The following RTN4 variants were observed in gnomAD, a reference collection of about 807,000 sequenced individuals.
RTN4 encodes reticulon-4.
In RTN4, 32 loss-of-function variants were observed where a neutral mutation model predicts 90.4. The observed-to-expected ratio is 0.35, with a 90% confidence interval of 0.27 to 0.48. The LOEUF is 0.48. Ranked by LOEUF, RTN4 falls within the 20% of genes least tolerant of loss-of-function variation. RTN4 has a pLI of 0.99. For missense variants in RTN4, 1,706 were observed against 1,430.2 expected, an observed-to-expected ratio of 1.19 and a Z score of -3.11; for synonymous variants, 629 against 552.5, an observed-to-expected ratio of 1.14 and a Z score of -1.94.
the RTN4 span, among the ~76,000 whole-genome samples, chr2:55,122,320 G>T: frequency 6.6e-6 from 1 of 152,000 alleles, no homozygotes; most frequent in Non-Finnish European, 1.5e-5. Flanking sequence ...ATTTTTACAG[G>T]TTCCCCGACT....
At chr2:55,119,651 A>G in the RTN4 span, among the ~76,000 whole-genome samples, 2 of 152,220 alleles carry the variant, frequency 1.3e-5, no homozygotes, top group Non-Finnish European at 2.9e-5. Flanking sequence ...AGTGAAAATG[A>G]TGAAAGTATT....
intron 2 of RTN4, among the ~76,000 whole-genome samples, chr2:55,073,267 C>G (rs776290206): frequency 1.1e-4 from 17 of 152,182 alleles, no homozygotes; most frequent in Non-Finnish European, 2.4e-4. Context: ...CTATTTATTT[C>G]TCTCCGTAAA....
At chr2:55,029,181 G>A (rs915317098) in intron 1 of RTN4, among the ~76,000 whole-genome samples, 5 of 152,180 alleles carry the variant, frequency 3.3e-5, no homozygotes, top group African/African-American at 1.2e-4. Context: ...GTGAGATGGT[G>A]GTCACCTATA....
At position 55,090,648 on chromosome 2, in the gene RTN4, C is replaced by A. The variant is rs184585751; in HGVS notation, c.-213-10009G>T. ...TATGGAGTAGGGCTTTGGACCCATT[C>A]TAAAGGACAAGGAGGACTACAGCTG... On this transcript the variant is annotated intron_variant, in intron 1 of 3. Coordinates refer to the RTN4 transcript ENST00000427710. Among the ~76,000 whole-genome samples the A allele has an allele frequency of 8.5e-5, 13 of 152,318 alleles. No homozygotes were observed. In the East Asian group the frequency reaches 2.1e-3, roughly 25 times the overall value.
At chr2:55,124,645 G>A in the RTN4 span, among the ~76,000 whole-genome samples, 5 of 152,178 alleles carry the variant, frequency 3.3e-5, no homozygotes, top group African/African-American at 9.7e-5. Context: ...ACTGGCCATA[G>A]CAATTTACAG....
At chr2:55,038,138 CTCAAAACGGA>C (rs1338769898) in intron 1 of RTN4, among the ~76,000 whole-genome samples, 1 of 152,000 alleles carries the variant, frequency 6.6e-6, no homozygotes, top group Non-Finnish European at 1.5e-5. Context: ...CAAAAACTAC[CTCAAAACGGA>C]TCAAGACAAA....
upstream of RTN4, among the ~76,000 whole-genome samples, chr2:55,112,814 C>T (rs116778799): frequency 4.6e-3 from 693 of 150,404 alleles, 5 homozygotes; most frequent in African/African-American, 0.016. Flanking sequence ...GCTATTTATT[C>T]AGAGCTGCTC....
chr2:55,037,089 C>T (rs1253827121), intron 1 of RTN4, among the ~76,000 whole-genome samples: 2 of 152,148 alleles, frequency 1.3e-5, no homozygotes, highest in Non-Finnish European at 2.9e-5. Context: ...TATTTCCATA[C>T]AGTAGCAACA....
intron 3 of RTN4, among the ~76,000 whole-genome samples, chr2:55,023,942 T>C (rs1681632021): frequency 6.6e-6 from 1 of 152,184 alleles, no homozygotes; most frequent in African/African-American, 2.4e-5. Context: ...CTAATTGGTA[T>C]CTGGGGCTTT....
At chr2:55,063,190 C>T (rs1668330776) in intron 2 of RTN4, among the ~76,000 whole-genome samples, 1 of 152,098 alleles carries the variant, frequency 6.6e-6, no homozygotes, top group African/African-American at 2.4e-5. Context: ...ATAAAACAAG[C>T]ATATAATTAT....
intron 1 of RTN4, among the ~76,000 whole-genome samples, chr2:55,093,525 T>G (rs978333943): frequency 3.3e-5 from 5 of 152,090 alleles, no homozygotes; most frequent in Non-Finnish European, 7.4e-5. Context: ...ACTCATAACC[T>G]CTAAGTGATT....
intron 1 of RTN4, among the ~76,000 whole-genome samples, chr2:55,081,307 G>A (rs1377096336): frequency 6.6e-6 from 1 of 151,890 alleles, no homozygotes; most frequent in African/African-American, 2.4e-5. Context: ...GAACTCCTGG[G>A]CTCAAGTGAT....
At chr2:55,078,133 T>C (rs1668636942) in intron 2 of RTN4, among the ~76,000 whole-genome samples, 1 of 152,104 alleles carries the variant, frequency 6.6e-6, no homozygotes, top group Non-Finnish European at 1.5e-5. Flanking sequence ...CTAAAGAGCT[T>C]GTTCATGTAA....
intron 2 of RTN4, among the ~76,000 whole-genome samples, chr2:55,057,949 C>G (rs1165070792): frequency 6.6e-6 from 1 of 152,080 alleles, no homozygotes; most frequent in Non-Finnish European, 1.5e-5. Flanking sequence ...TACCATTGCC[C>G]TCCAGCTTGG....
rs1320651279 is a variant in RTN4, at chr2:55,070,138, A to C, written c.-63+10351T>G. ...CAACCTCAGAACAATTAAAACTATG[A>C]GCTGGATAGTCTTTGTTATGGGGGC... On this transcript the variant is annotated intron_variant, in intron 2 of 3. Coordinates refer to the RTN4 transcript ENST00000427710. Among the ~76,000 whole-genome samples, 10 of 152,094 alleles carry C rather than the reference A, an allele frequency of 6.6e-5. 1 individual carries two copies. The highest frequency in any genetic ancestry group is 6.6e-4 in the Admixed American group (10 of 15,266).
chr2:55,028,148 G>A lies in RTN4; in HGVS notation c.613+16C>T. On this transcript the variant is annotated intron_variant, in intron 2 of 8. Transcript: ENST00000337526. ...TAGAATACAGAGAGGATAAAAGGCT[G>A]GCAGAAAGAACTTGCCTGCAGAGGA... 1 of 1,609,080 alleles carries A rather than the reference G, an allele frequency of 6.2e-7. No homozygotes were observed. Among genetic ancestry groups the A allele is most frequent in the Non-Finnish European group, 8.5e-7 (1 of 1,176,920 alleles).
intron 5 of RTN4, among the ~76,000 whole-genome samples, chr2:54,978,614 T>A (rs941733682): frequency 6.6e-6 from 1 of 152,162 alleles, no homozygotes; most frequent in African/African-American, 2.4e-5. Context: ...GATAAAAATG[T>A]CTTTTCTAAA....
At chr2:55,116,417 A>C (rs192226283), upstream of RTN4, among the ~76,000 whole-genome samples, 31 of 152,254 alleles carry the variant, frequency 2.0e-4, no homozygotes, top group East Asian at 5.2e-3. Flanking sequence ...ATGCCTCCAC[A>C]CCACATATTA....
chr2:55,062,012 A>ATCAAGAGCATG (rs573944011), intron 2 of RTN4, among the ~76,000 whole-genome samples: 94 of 151,126 alleles, frequency 6.2e-4, no homozygotes, highest in Admixed American at 1.2e-3. Context: ...TCGAGAGGAC[A>ATCAAGAGCATG]TCAAGAGCAC....
Sources: gnomAD v4.1 joint callset for allele counts (sites outside exome capture counted in the v4.1 genomes callset) on GRCh38, gnomAD v4.1.1 for gene constraint, MANE v1.5 for transcripts, NCBI Gene and HGNC (gene_info 2026-07-23, HGNC 2026-07-21) for gene names.